MYO18A: variants seen among roughly 807,000 people sequenced by gnomAD.
MYO18A encodes the protein unconventional myosin-XVIIIa.
In MYO18A, 78 loss-of-function variants were observed where a neutral mutation model predicts 235.8. That is an observed-to-expected ratio of 0.33 (90% CI 0.28 to 0.40). The LOEUF is 0.40. MYO18A is among the 10% of genes least tolerant of loss of function. The pLI is 1.00. For missense variants in MYO18A, 2,215 were observed against 2,699.3 expected, an observed-to-expected ratio of 0.82 and a Z score of 3.98; for synonymous variants, 977 against 1,077.8, an observed-to-expected ratio of 0.91 and a Z score of 1.83.
At chr17:29,080,512 G>C (rs1334060519) in intron 41 of MYO18A, 1 of 986,014 alleles carries the variant, frequency 1.0e-6, no homozygotes, top group Non-Finnish European at 1.2e-6. Flanking sequence ...GCCTAGGCCA[G>C]AGGCCCGGCT....
chr17:29,097,922 GT>G, intron 25 of MYO18A, 23 bp from the exon 26 acceptor site: 1 of 1,603,330 alleles, frequency 6.2e-7, no homozygotes, highest in Non-Finnish European at 8.5e-7. Flanking sequence ...GGGTTTCAGG[GT>G]GTGCCATTCC....
At chr17:29,135,604 G>A (rs2067579796) in intron 2 of MYO18A, among the ~76,000 whole-genome samples, 1 of 152,122 alleles carries the variant, frequency 6.6e-6, no homozygotes, top group African/African-American at 2.4e-5. Flanking sequence ...TTTCCTACTT[G>A]TCTATAGAGG....
rs1277995430 is a variant in MYO18A at position 29,086,429 on chromosome 17, A to G, written c.5852+9T>C. 6.3e-7 allele frequency: 1 copy of G among 1,590,142 alleles called. No individual in the cohort carries two copies. The highest frequency in any genetic ancestry group is 1.3e-5 in the African/African-American group (1 of 74,412). On this transcript the variant is annotated intron_variant, in intron 39 of 41. Coordinates refer to ENST00000527372, the MANE Select transcript of MYO18A (RefSeq NM_078471.4). The stretch of plus-strand genomic sequence containing the variant: ...GCTAGCTGCAGATGCCCCAGAGGCC[A>G]CTTCTCACCTGTTGATGAGGTCCTC...
intron 1 of MYO18A, among the ~76,000 whole-genome samples, chr17:29,177,866 G>T (rs1199990458): frequency 1.3e-5 from 2 of 152,196 alleles, no homozygotes; most frequent in African/African-American, 4.8e-5. Flanking sequence ...AGAGGATCTG[G>T]CTGAGGAGAG....
rs766096945 is a variant in MYO18A, at chr17:29,166,538, T to C, written c.403A>G (p.Ile135Val). 11 of 1,613,534 alleles carry C rather than the reference T, an allele frequency of 6.8e-6. No homozygotes were observed. The African/African-American group carries it at 1.3e-4, about 20-fold the overall frequency. ...TGGGAGAAGGAAAAGCGCTTGACAA[T>C]CATCTGTGAGTTCTGCTTGGCCAGT... ...GSLAKQNSQM[I>V]VKRFSFSQRS... The change falls in exon 2 of 42, where the codon ATT (isoleucine) becomes GTT (valine). Residue 135 changes from isoleucine to valine, a missense_variant. By Grantham distance (29) the Ile-to-Val change is conservative (BLOSUM62 3). Coordinates refer to ENST00000527372, the MANE Select transcript of MYO18A (RefSeq NM_078471.4).
chr17:29,082,446 G>T lies in MYO18A; in HGVS notation c.5898-8C>A, dbSNP rs763902429. ...ACATCAGAGTCTCCCTCACTGTAGG[G>T]ATGAGGAGCAGAAAGGTAGACAAGG... On this transcript the variant is annotated splice_polypyrimidine_tract_variant and splice_region_variant and intron_variant, in intron 40 of 41. Coordinates refer to ENST00000527372, the MANE Select transcript of MYO18A (RefSeq NM_078471.4). 5.0e-6 allele frequency: 8 copies of T among 1,611,948 alleles called. No individual in the cohort carries two copies. In the African/African-American group the frequency reaches 6.7e-5, roughly 13 times the overall value.
chr17:29,152,109 G>C (rs1395104397), intron 2 of MYO18A, among the ~76,000 whole-genome samples: 1 of 152,142 alleles, frequency 6.6e-6, no homozygotes, highest in Non-Finnish European at 1.5e-5. Context: ...AGGTTTTGCT[G>C]CAGTAAAAAT....
At chr17:29,139,043 G>C (rs988343596) in intron 2 of MYO18A, among the ~76,000 whole-genome samples, 20 of 152,212 alleles carry the variant, frequency 1.3e-4, no homozygotes, top group African/African-American at 4.6e-4. Flanking sequence ...GGGGAGATGA[G>C]CTTGGCAGGG....
At chr17:29,128,441 G>A in intron 2 of MYO18A, 1 of 1,289,548 alleles carries the variant, frequency 7.8e-7, no homozygotes, top group Non-Finnish European at 1.0e-6. Flanking sequence ...GGCGAGTGTG[G>A]GTGCAGGGCT....
In MYO18A at chr17:29,178,560, T is replaced by C. The variant is rs538782999; in HGVS notation, c.-82+1753A>G. On this transcript the variant is annotated intron_variant, in intron 1 of 41. Transcript: ENST00000527372. The stretch of plus-strand genomic sequence containing the variant: ...ACCCGAGGCTATATATAACCCGTCA[T>C]GTCAAATCCAGAAACCAGGAGGATG... Among the ~76,000 whole-genome samples, 5 of 152,158 alleles carry C rather than the reference T, an allele frequency of 3.3e-5. No homozygotes were observed. The South Asian group carries it at 8.3e-4, about 25-fold the overall frequency.
intron 12 of MYO18A, 38 bp downstream of exon 12, chr17:29,115,626 C>T (rs1426104740): frequency 1.9e-6 from 3 of 1,552,920 alleles, no homozygotes; most frequent in African/African-American, 2.7e-5. Context: ...CAGATGAGGC[C>T]TCACACTCAC....
At chr17:29,178,855 C>T (rs146527978) in intron 1 of MYO18A, among the ~76,000 whole-genome samples, 1 of 152,362 alleles carries the variant, frequency 6.6e-6, no homozygotes, top group South Asian at 2.1e-4. Flanking sequence ...CTGTACTCAC[C>T]GTCCTGCTCA....
chr17:29,123,844 C>T (rs540983726), intron 2 of MYO18A, among the ~76,000 whole-genome samples: 7 of 152,206 alleles, frequency 4.6e-5, no homozygotes, highest in Admixed American at 2.6e-4. Flanking sequence ...GTCAGGAGAT[C>T]GAGACCATCC....
At chr17:29,144,681 T>C (rs1018300231) in intron 2 of MYO18A, among the ~76,000 whole-genome samples, 4 of 152,242 alleles carry the variant, frequency 2.6e-5, no homozygotes, top group African/African-American at 9.6e-5. Context: ...TGGCAAATTA[T>C]AGTTATTAAA....
rs762706146 is a variant in MYO18A, at chr17:29,166,109, C to G, written c.832G>C (p.Glu278Gln). ...CTCTCCACATTGTGCCCATTAATCT[C>G]CACCAGTCGATCTCCTGGCACCAGC... ...LGLVPGDRLV[E>Q]INGHNVESKS... is the part of the protein sequence containing the mutation. The change falls in exon 2 of 42, where the codon GAG (glutamate) becomes CAG (glutamine). Residue 278 changes from glutamate (E) to glutamine (Q), a missense_variant. Coordinates refer to ENST00000527372, the MANE Select transcript of MYO18A (RefSeq NM_078471.4). The G allele has an allele frequency of 3.1e-6, 5 of 1,613,490 alleles. No individual in the cohort carries two copies. The South Asian group carries it at 5.5e-5, about 18-fold the overall frequency.
At chr17:29,097,037 A>G in intron 27 of MYO18A, 122 bp from the exon 28 acceptor site, 1 of 1,383,360 alleles carries the variant, frequency 7.2e-7, no homozygotes, top group Non-Finnish European at 9.6e-7. Flanking sequence ...CGGGTCTCCC[A>G]GGGAACTGAA....
intron 41 of MYO18A, chr17:29,077,531 T>G (rs1347095487): frequency 6.6e-6 from 1 of 152,348 alleles, no homozygotes; most frequent in Non-Finnish European, 1.5e-5. Flanking sequence ...CAAAGCCAGT[T>G]GATGCTGAGC....
chr17:29,136,691 C>G (rs560156002), intron 2 of MYO18A, among the ~76,000 whole-genome samples: 34 of 152,336 alleles, frequency 2.2e-4, no homozygotes, highest in African/African-American at 7.9e-4. Context: ...TGGGGGAACC[C>G]AGACTTGAAC....
chr17:29,095,466 C>T (rs2066498233), intron 28 of MYO18A, among the ~76,000 whole-genome samples: 1 of 152,224 alleles, frequency 6.6e-6, no homozygotes, highest in African/African-American at 2.4e-5. Context: ...CAGTTTGGTT[C>T]GACAACTGTA....
Sources: allele counts gnomAD v4.1 joint callset (sites outside exome capture counted in the v4.1 genomes callset), GRCh38; gene constraint gnomAD v4.1.1; transcripts MANE v1.5; gene names NCBI Gene and HGNC (gene_info 2026-07-23, HGNC 2026-07-21).